Variants in INPP4B observed in about 807,000 individuals in gnomAD.
INPP4B encodes inositol polyphosphate-4-phosphatase type II B.
INPP4B carries 55 observed loss-of-function variants against 122.5 expected under a neutral mutation model. That is an observed-to-expected ratio of 0.45 (90% CI 0.36 to 0.56). INPP4B has a LOEUF of 0.56. Among genes scored for constraint, INPP4B ranks in the 20% least tolerant of loss-of-function variants. INPP4B has a pLI of 0.00. For missense variants in INPP4B, 1,000 were observed against 1,097.7 expected, an observed-to-expected ratio of 0.91 and a Z score of 1.26; for synonymous variants, 403 against 388.7, an observed-to-expected ratio of 1.04 and a Z score of -0.43.
chr4:142,301,686 C>T (rs1761473442), intron 9 of INPP4B, among the ~76,000 whole-genome samples: 1 of 152,110 alleles, frequency 6.6e-6, no homozygotes, highest in Non-Finnish European at 1.5e-5. Context: ...TACCCCTGTA[C>T]TTAAGAATAT....
chr4:142,569,808 C>A (rs1580392302), intron 2 of INPP4B, among the ~76,000 whole-genome samples: 1 of 152,102 alleles, frequency 6.6e-6, no homozygotes, highest in South Asian at 2.1e-4. Flanking sequence ...ATGAAGGATG[C>A]TTTCCTCTTA....
chr4:142,652,262 T>A (rs932598396), intron 2 of INPP4B, among the ~76,000 whole-genome samples: 3 of 152,122 alleles, frequency 2.0e-5, no homozygotes, highest in East Asian at 1.9e-4. Flanking sequence ...ATAGCCAATA[T>A]CACACTCAAT....
At chr4:142,562,687 T>C (rs1040332411) in intron 2 of INPP4B, among the ~76,000 whole-genome samples, 2 of 151,500 alleles carry the variant, frequency 1.3e-5, no homozygotes. Context: ...TTTATAAGAG[T>C]ATTATTTAGA....
intron 7 of INPP4B, among the ~76,000 whole-genome samples, chr4:142,364,897 A>G (rs1323566597): frequency 6.6e-6 from 1 of 152,094 alleles, no homozygotes; most frequent in African/African-American, 2.4e-5. Context: ...GCAAGGGACA[A>G]CTAACTGTAC....
chr4:142,461,806 A>AACACACAC (rs3076617), intron 3 of INPP4B, among the ~76,000 whole-genome samples: 22,250 of 150,736 alleles, frequency 0.15, 1,847 homozygotes, highest in East Asian at 0.35. Context: ...TAAAAGTACA[A>AACACACAC]ACACACACAC....
At chr4:142,401,282 A>C (rs1402808131) in intron 7 of INPP4B, among the ~76,000 whole-genome samples, 1 of 151,980 alleles carries the variant, frequency 6.6e-6, no homozygotes, top group African/African-American at 2.4e-5. Context: ...GCAACAAAAA[A>C]CCGTGGGTGA....
At chr4:142,373,795 T>C (rs2148739390) in intron 7 of INPP4B, among the ~76,000 whole-genome samples, 1 of 152,132 alleles carries the variant, frequency 6.6e-6, no homozygotes, top group South Asian at 2.1e-4. Flanking sequence ...ATATTATCTT[T>C]GGCTATATTC....
chr4:142,827,596 T>C (rs1324253911), intron 1 of INPP4B, among the ~76,000 whole-genome samples: 3 of 152,162 alleles, frequency 2.0e-5, no homozygotes, highest in African/African-American at 7.2e-5. Flanking sequence ...ACATTGTCTA[T>C]AGCATGAAGG....
At chr4:142,315,748 AATGAAT>A (rs1328656514) in intron 7 of INPP4B, among the ~76,000 whole-genome samples, 2 of 151,726 alleles carry the variant, frequency 1.3e-5, no homozygotes, top group East Asian at 3.9e-4. Flanking sequence ...AAACAAGTTA[AATGAAT>A]ATAAAGCAAT....
intron 7 of INPP4B, among the ~76,000 whole-genome samples, chr4:142,376,301 T>A (rs778431609): frequency 1.3e-5 from 2 of 152,016 alleles, no homozygotes; most frequent in Non-Finnish European, 2.9e-5. Flanking sequence ...GGATAAGATC[T>A]CATGATGACC....
At chr4:142,841,586 TA>T (rs1783496946) in intron 1 of INPP4B, among the ~76,000 whole-genome samples, 1 of 151,908 alleles carries the variant, frequency 6.6e-6, no homozygotes, top group South Asian at 2.1e-4. Flanking sequence ...AAATTTTTCA[TA>T]GTAAAAAATA....
intron 2 of INPP4B, among the ~76,000 whole-genome samples, chr4:142,515,983 C>T (rs1378402979): frequency 1.3e-5 from 2 of 152,108 alleles, no homozygotes; most frequent in East Asian, 1.9e-4. Flanking sequence ...ATTTAAAATG[C>T]TGCTCCTGAA....
rs866307274 is a variant in INPP4B at position 142,383,984 on chromosome 4, T to C, written c.372+18954A>G. Reference sequence around the variant, plus strand: ...TACCATCGTGCAGCTGTCAAGAAGCTCATGTGATGTCTTGCACTTGGCCAA... The same window carrying C: ...TACCATCGTGCAGCTGTCAAGAAGCCCATGTGATGTCTTGCACTTGGCCAA... On this transcript the variant is annotated intron_variant, in intron 7 of 25. Coordinates refer to ENST00000262992, the MANE Select transcript of INPP4B (RefSeq NM_001101669.3). 1.2e-5 allele frequency: 8 copies of C among 664,268 alleles called. No homozygotes were observed. In the Middle Eastern group the frequency reaches 7.2e-4, roughly 60 times the overall value. The allele number at this position is 664,268 out of a possible 1,614,324, so 41.1% of individuals were successfully genotyped here.
At chr4:142,588,562 T>C (rs1333041563) in intron 2 of INPP4B, among the ~76,000 whole-genome samples, 2 of 149,824 alleles carry the variant, frequency 1.3e-5, no homozygotes, top group Non-Finnish European at 3.0e-5. Flanking sequence ...AATTTTATAA[T>C]ATATAAATTT....
chr4:142,517,053 A>G (rs1254255993), intron 2 of INPP4B, among the ~76,000 whole-genome samples: 1 of 151,490 alleles, frequency 6.6e-6, no homozygotes, highest in Non-Finnish European at 1.5e-5. Flanking sequence ...TAATTTCTTG[A>G]TCTAGTTTGC....
chr4:142,645,786 T>C (rs1446842455), intron 2 of INPP4B, among the ~76,000 whole-genome samples: 3 of 152,180 alleles, frequency 2.0e-5, no homozygotes, highest in Admixed American at 2.0e-4. Flanking sequence ...TTTTGGTTTC[T>C]TTTTTCCCCC....
At position 142,695,670 on chromosome 4, in the gene INPP4B, C is replaced by G. The variant is rs563977306; in HGVS notation, c.-191+30169G>C. ...CATGCCTCAAAGGCAGGAACCTACC[C>G]AACAGATACGATTTAATAAACTGTG... is the stretch of plus-strand genomic sequence containing the variant. On this transcript the variant is annotated intron_variant, in intron 2 of 25. Transcript: ENST00000262992. 1.1e-3 allele frequency among the ~76,000 whole-genome samples: 163 copies of G among 152,206 alleles called. 5 individuals carry two copies. Among genetic ancestry groups the G allele is most frequent in the Non-Finnish European group, 8.1e-4 (55 of 68,012 alleles).
At chr4:142,537,893 G>A (rs1443168402) in intron 2 of INPP4B, among the ~76,000 whole-genome samples, 2 of 152,004 alleles carry the variant, frequency 1.3e-5, no homozygotes, top group Non-Finnish European at 2.9e-5. Context: ...CAAAGAGGAA[G>A]CAATGGAAAA....
intron 11 of INPP4B, among the ~76,000 whole-genome samples, chr4:142,250,379 C>T (rs1202315539): frequency 6.6e-6 from 1 of 152,192 alleles, no homozygotes; most frequent in African/African-American, 2.4e-5. Flanking sequence ...CTCTCCCACT[C>T]AGTAAGTACT....
Sources: gnomAD v4.1 joint callset for allele counts (sites outside exome capture counted in the v4.1 genomes callset) on GRCh38, gnomAD v4.1.1 for gene constraint, MANE v1.5 for transcripts, NCBI Gene and HGNC (gene_info 2026-07-23, HGNC 2026-07-21) for gene names.